C9orf85: variants seen among roughly 807,000 people sequenced by gnomAD.
C9orf85 encodes the protein chromosome 9 open reading frame 85.
C9orf85 carries 16 observed loss-of-function variants against 14.9 expected under a neutral mutation model. The observed-to-expected ratio is 1.08, with a 90% CI of 0.73 to 1.63. The LOEUF (loss-of-function observed/expected upper bound fraction) is 1.63, where lower values mean the gene tolerates loss of function less well. C9orf85 is among the 40% of genes most tolerant of loss of function. The pLI is 0.00. For synonymous variants in C9orf85, 45 were observed against 56.8 expected (o/e 0.79, Z 0.93); for missense variants, 172 against 186.1 (o/e 0.92, Z 0.44).
At chr9:71,921,052 A>G (rs1473486994) in intron 1 of C9orf85, among the ~76,000 whole-genome samples, 1 of 152,216 alleles carries the variant, frequency 6.6e-6, no homozygotes, top group Non-Finnish European at 1.5e-5. Flanking sequence ...CTTAAGACTA[A>G]CAAAATAGAC....
At chr9:71,926,297 G>A (rs1462688340) in intron 1 of C9orf85, among the ~76,000 whole-genome samples, 1 of 152,164 alleles carries the variant, frequency 6.6e-6, no homozygotes, top group African/African-American at 2.4e-5. Context: ...GTAACCACAT[G>A]TCCCTATCGA....
In C9orf85 at chr9:71,923,113, G is replaced by C. The variant is rs535968172; in HGVS notation, c.102+11277G>C. Among the ~76,000 whole-genome samples the C allele has an allele frequency of 3.1e-3, 472 of 152,286 alleles. 2 individuals carry two copies. The highest frequency in any genetic ancestry group is 0.01 in the African/African-American group (420 of 41,564). ...CCGCTGCACTCCAGCCTGGGCAACAGTGCAAGACTCCGTCTCAAAAAAAGA... is the reference window on the plus strand; with the variant it reads ...CCGCTGCACTCCAGCCTGGGCAACACTGCAAGACTCCGTCTCAAAAAAAGA... On this transcript the variant is annotated intron_variant, in intron 1 of 3. Transcript: ENST00000334731.
intron 1 of C9orf85, among the ~76,000 whole-genome samples, chr9:71,917,045 A>C (rs1297293366): frequency 6.6e-6 from 1 of 152,240 alleles, no homozygotes; most frequent in Non-Finnish European, 1.5e-5. Context: ...AGAGTTACAT[A>C]ATTAGCACAT....
intron 1 of C9orf85, among the ~76,000 whole-genome samples, chr9:71,931,982 T>TA (rs541126397): frequency 1.1e-3 from 173 of 152,266 alleles, no homozygotes; most frequent in African/African-American, 3.9e-3. Flanking sequence ...AAAGCTTGTT[T>TA]AAAATGCAGA....
chr9:71,940,717 C>G (rs1266812385), intron 1 of C9orf85, among the ~76,000 whole-genome samples: 1 of 152,028 alleles, frequency 6.6e-6, no homozygotes, highest in Non-Finnish European at 1.5e-5. Context: ...CCAAAAATAT[C>G]ATTCCTAGTA....
chr9:71,979,046 TG>T (rs139123431), intron 3 of C9orf85, among the ~76,000 whole-genome samples: 31,051 of 152,036 alleles, frequency 0.2, 3,406 homozygotes, highest in Non-Finnish European at 0.25. Context: ...GAAAAAAAAA[TG>T]TTTTTTTGCT....
chr9:71,950,597 C>T (rs971389555), intron 2 of C9orf85, among the ~76,000 whole-genome samples: 1 of 152,152 alleles, frequency 6.6e-6, no homozygotes, highest in Non-Finnish European at 1.5e-5. Context: ...ATCTTGAACT[C>T]TTGACCTCAT....
At chr9:71,966,222 G>A (rs1339129925) in intron 2 of C9orf85, among the ~76,000 whole-genome samples, 2 of 152,126 alleles carry the variant, frequency 1.3e-5, no homozygotes, top group African/African-American at 4.8e-5. Flanking sequence ...GGCATGCCTG[G>A]AGTCTCTCTG....
chr9:71,944,565 C>T (rs929175077), intron 1 of C9orf85, among the ~76,000 whole-genome samples: 6 of 152,040 alleles, frequency 3.9e-5, no homozygotes, highest in African/African-American at 1.4e-4. Context: ...ATGAGGGATA[C>T]ACTAAAAGTA....
At chr9:71,950,151 G>T (rs1822207975) in intron 2 of C9orf85, among the ~76,000 whole-genome samples, 2 of 152,106 alleles carry the variant, frequency 1.3e-5, no homozygotes, top group African/African-American at 4.8e-5. Context: ...TCCAATCCAG[G>T]ATTGAGAGTG....
intron 2 of C9orf85, among the ~76,000 whole-genome samples, chr9:71,959,692 C>A (rs1189886342): frequency 6.6e-6 from 1 of 152,120 alleles, no homozygotes; most frequent in Admixed American, 6.6e-5. Context: ...TGTTAGAACA[C>A]CTTGTCTTGT....
chr9:71,930,240 G>C (rs2132273134), intron 1 of C9orf85, among the ~76,000 whole-genome samples: 1 of 152,172 alleles, frequency 6.6e-6, no homozygotes, highest in African/African-American at 2.4e-5. Flanking sequence ...ACTCAGACTT[G>C]AGTAAGCAGA....
At chr9:71,920,129 G>A (rs975961259) in intron 1 of C9orf85, among the ~76,000 whole-genome samples, 3 of 152,122 alleles carry the variant, frequency 2.0e-5, no homozygotes, top group African/African-American at 7.2e-5. Flanking sequence ...GATTACAGGT[G>A]TAAGCCACCA....
chr9:71,986,058 A>G (rs1241140663), downstream of C9orf85: 1 of 152,256 alleles, frequency 6.6e-6, no homozygotes, highest in African/African-American at 2.4e-5. Context: ...ATAAAAAGAA[A>G]TAAACTAGTG....
chr9:71,924,387 T>G (rs988255911), intron 1 of C9orf85, among the ~76,000 whole-genome samples: 3 of 152,146 alleles, frequency 2.0e-5, no homozygotes, highest in Non-Finnish European at 2.9e-5. Flanking sequence ...AAATTGTCCT[T>G]TTGTAACTAA....
At position 71,925,838 on chromosome 9, in the gene C9orf85, A is replaced by T. The variant is rs1242488750; in HGVS notation, c.102+14002A>T. ...TTTAAAAATTAAGATAACTAAAGAT[A>T]TGGAGAGGATTAGATTTATACAACT... On this transcript the variant is annotated intron_variant, in intron 1 of 3. Transcript: ENST00000334731. Among the ~76,000 whole-genome samples, 3 of 152,246 alleles carry T rather than the reference A, an allele frequency of 2.0e-5. No homozygotes were observed. In the East Asian group the frequency reaches 5.8e-4, roughly 29 times the overall value.
At chr9:71,914,605 G>C (rs560335273) in intron 1 of C9orf85, among the ~76,000 whole-genome samples, 1 of 152,188 alleles carries the variant, frequency 6.6e-6, no homozygotes, top group African/African-American at 2.4e-5. Flanking sequence ...AGTTAATATA[G>C]GTAAAGCACT....
chr9:71,948,820 C>A (rs903898940), intron 2 of C9orf85, among the ~76,000 whole-genome samples: 2 of 148,504 alleles, frequency 1.3e-5, no homozygotes, highest in African/African-American at 2.5e-5. Context: ...CACGCCCCCC[C>A]CCCCCCCTTT....
chr9:71,964,343 C>T (rs577077835), intron 2 of C9orf85, among the ~76,000 whole-genome samples: 94 of 152,098 alleles, frequency 6.2e-4, no homozygotes, highest in African/African-American at 2.0e-3. Flanking sequence ...CTGCTGGGGT[C>T]CCCTTCCACA....
Sources: gnomAD v4.1 joint callset for allele counts (sites outside exome capture counted in the v4.1 genomes callset) on GRCh38, gnomAD v4.1.1 for gene constraint, MANE v1.5 for transcripts, NCBI Gene and HGNC (gene_info 2026-07-23, HGNC 2026-07-21) for gene names.